The following DNAAF9 variants were observed in gnomAD, a reference collection of about 807,000 sequenced individuals.
DNAAF9 encodes the protein shulin.
DNAAF9 carries 90 observed loss-of-function variants against 167.0 expected under a neutral mutation model. That is an observed-to-expected ratio of 0.54 (90% confidence interval 0.45 to 0.64). The LOEUF (loss-of-function observed/expected upper bound fraction) is 0.64, where lower values mean the gene tolerates loss of function less well. Among genes scored for constraint, DNAAF9 ranks in the 30% least tolerant of loss-of-function variants. The pLI is 0.00. For synonymous variants in DNAAF9, 491 were observed against 508.8 expected, an observed-to-expected ratio of 0.96 and a Z score of 0.47; for missense variants, 1,315 against 1,442.2, an observed-to-expected ratio of 0.91 and a Z score of 1.43.
At chr20:3,323,622 T>C (rs1000699537) in intron 14 of DNAAF9, among the ~76,000 whole-genome samples, 1 of 152,186 alleles carries the variant, frequency 6.6e-6, no homozygotes, top group Non-Finnish European at 1.5e-5. Context: ...GGAGGGGCTC[T>C]AGGTGGAAGA....
At chr20:3,328,106 A>C (rs977626333) in intron 12 of DNAAF9, among the ~76,000 whole-genome samples, 3 of 151,630 alleles carry the variant, frequency 2.0e-5, no homozygotes, top group African/African-American at 7.3e-5. Context: ...CTTCTCCTAT[A>C]CTGATCCTTA....
At chr20:3,345,981 T>G (rs1489312638) in intron 8 of DNAAF9, among the ~76,000 whole-genome samples, 1 of 152,144 alleles carries the variant, frequency 6.6e-6, no homozygotes, top group Non-Finnish European at 1.5e-5. Context: ...CTATGCTCTA[T>G]AGTTCAGTTA....
intron 7 of DNAAF9, among the ~76,000 whole-genome samples, chr20:3,349,207 A>AC (rs2070261685): frequency 6.7e-6 from 1 of 149,062 alleles, no homozygotes; most frequent in South Asian, 2.1e-4. Flanking sequence ...AAAAAAACAA[A>AC]AAAAAAAAAA....
intron 6 of DNAAF9, among the ~76,000 whole-genome samples, chr20:3,361,396 C>G (rs2083362322): frequency 6.6e-6 from 1 of 152,124 alleles, no homozygotes; most frequent in African/African-American, 2.4e-5. Flanking sequence ...ACCCCACACA[C>G]CCAGCAGTAG....
chr20:3,374,257 A>C, intron 5 of DNAAF9, 103 bp from the exon 6 acceptor site: 1 of 630,724 alleles, frequency 1.6e-6, no homozygotes, highest in Non-Finnish European at 2.8e-6. Flanking sequence ...TCACGTGGTC[A>C]CCAGGGCCTC....
intron 20 of DNAAF9, among the ~76,000 whole-genome samples, chr20:3,314,674 G>A (rs572200364): frequency 6.6e-6 from 1 of 152,186 alleles, no homozygotes; most frequent in South Asian, 2.1e-4. Flanking sequence ...ATAATAAGAG[G>A]GTGTTGTTTT....
chr20:3,341,251 C>A (rs989282832), intron 9 of DNAAF9, among the ~76,000 whole-genome samples: 1 of 152,130 alleles, frequency 6.6e-6, no homozygotes, highest in Admixed American at 6.5e-5. Flanking sequence ...CCAAAGTCAC[C>A]AAGTGACTTC....
At chr20:3,295,921 C>CA (rs1349839988) in intron 23 of DNAAF9, 10 of 1,546,462 alleles carry the variant, frequency 6.5e-6, no homozygotes, top group Non-Finnish European at 8.9e-6. Flanking sequence ...TCAGTAAACT[C>CA]AGACATATTT....
At position 3,382,480 on chromosome 20, in the gene DNAAF9, C is replaced by T. The variant is rs2083669713; in HGVS notation, c.110G>A (p.Ser37Asn). ...AGACTTGCTGCTCTGGGTCAGGATG[C>T]TCTGAACCTGCCGAAGTCGACTGCA... ...VSCSRLRQVQ[S>N]ILTQSSKSRP... The change falls in exon 2 of 37, where the codon AGC (serine) becomes AAC (asparagine). Residue 37 changes from serine to asparagine, a missense_variant. Coordinates refer to ENST00000252032, the MANE Select transcript of DNAAF9 (RefSeq NM_001009984.3). The T allele has an allele frequency of 5.0e-6, 8 of 1,613,842 alleles. No individual in the cohort carries two copies. In the Admixed American group the frequency reaches 1.2e-4, roughly 24 times the overall value.
chr20:3,316,591 A>C, intron 18 of DNAAF9, 132 bp downstream of exon 18: 2 of 573,010 alleles, frequency 3.5e-6, no homozygotes, highest in East Asian at 5.7e-5. Context: ...GGGATCAAAA[A>C]TTCCATTCCT....
chr20:3,340,756 G>A, intron 9 of DNAAF9, 117 bp from the exon 10 acceptor site: 1 of 898,214 alleles, frequency 1.1e-6, no homozygotes, highest in Non-Finnish European at 1.8e-6. Context: ...TGAGCAAAGT[G>A]GTCAGTCAGT....
intron 10 of DNAAF9, among the ~76,000 whole-genome samples, chr20:3,336,912 G>GC (rs2069966460): frequency 7.4e-6 from 1 of 135,870 alleles, no homozygotes; most frequent in Non-Finnish European, 1.5e-5. Context: ...ATGGAGTCTC[G>GC]CTCTGTCGCC....
At chr20:3,259,353 T>G in intron 33 of DNAAF9, 127 bp downstream of exon 33, 1 of 725,420 alleles carries the variant, frequency 1.4e-6, no homozygotes, top group Non-Finnish European at 2.5e-6. Flanking sequence ...AGGCCCAGGG[T>G]GGGGAAGGTT....
rs918672038 is a variant in DNAAF9 at position 3,317,232 on chromosome 20, G to A, written c.1469-439C>T. 4.6e-5 allele frequency among the ~76,000 whole-genome samples: 7 copies of A among 151,570 alleles called. No individual in the cohort carries two copies. The South Asian group carries it at 6.3e-4, about 14-fold the overall frequency. ...TGAAAAATTAGCCAGGTGTGGTGGC[G>A]CATCTGTGGTCCCTGCTACTTGGGA... is the stretch of plus-strand genomic sequence containing the variant. On this transcript the variant is annotated intron_variant, in intron 17 of 36. Transcript: ENST00000252032.
In DNAAF9 at chr20:3,333,696, T is replaced by TC. The variant is rs397817251; in HGVS notation, c.982-1336_982-1335insG. Among the ~76,000 whole-genome samples the TC allele has an allele frequency of 2.0e-4, 31 of 152,080 alleles. No individual in the cohort carries two copies. In the South Asian group the frequency reaches 5.4e-3, roughly 27 times the overall value. ...TTTCCCTTATTAAAGGTTTTTTTTTTAAAGGTGCCAAGTGTTTGTGCTATG... is the reference window on the plus strand; with the variant it reads ...TTTCCCTTATTAAAGGTTTTTTTTTTCAAAGGTGCCAAGTGTTTGTGCTATG... On this transcript the variant is annotated intron_variant, in intron 10 of 36. Transcript: ENST00000252032.
In DNAAF9 at chr20:3,310,344, AGAAAGAAAGAAAGAAAG is replaced by A. The variant is rs1251643096; in HGVS notation, c.1678+4672_1678+4688del. The stretch of plus-strand genomic sequence containing the variant: ...AGGAAAGAGAAAGAAAAAGAAAGAA[AGAAAGAAAGAAAGAAAG>A]AAAGAAAGAAAGAAAGAAAGAAAGA... On this transcript the variant is annotated intron_variant, in intron 20 of 36. Coordinates refer to ENST00000252032, the MANE Select transcript of DNAAF9 (RefSeq NM_001009984.3). Among the ~76,000 whole-genome samples the A allele has an allele frequency of 3.5e-3, 366 of 103,188 alleles. 4 individuals carry two copies. Among genetic ancestry groups the A allele is most frequent in the East Asian group, 0.023 (86 of 3,718 alleles). The allele number at this position is 103,188 out of a possible 152,430, so 67.7% of individuals were successfully genotyped here. A position where few individuals can be genotyped will look rare whatever the true frequency, so the allele number is the denominator to read the frequency against.
intron 6 of DNAAF9, among the ~76,000 whole-genome samples, chr20:3,360,293 T>C (rs2083343708): frequency 6.6e-6 from 1 of 152,190 alleles, no homozygotes; most frequent in Non-Finnish European, 1.5e-5. Context: ...GGCAAAGATG[T>C]AGTTCTTCTA....
Position 3,281,638 on chromosome 20 carries a change from T to G in DNAAF9, c.2612+3A>C. The G allele has an allele frequency of 6.2e-7, 1 of 1,606,384 alleles. No homozygotes were observed. Among genetic ancestry groups the G allele is most frequent in the Non-Finnish European group, 8.5e-7 (1 of 1,177,458 alleles). ...ACACTTACACACCATATCCTGTATC[T>G]ACCTGTGCTCCATGTAGCAGCTCAT... On this transcript the variant is annotated splice_donor_region_variant and intron_variant, in intron 28 of 36. Coordinates refer to ENST00000252032, the MANE Select transcript of DNAAF9 (RefSeq NM_001009984.3).
chr20:3,403,286 G>C (rs2084014002), intron 1 of DNAAF9, among the ~76,000 whole-genome samples: 1 of 152,048 alleles, frequency 6.6e-6, no homozygotes, highest in African/African-American at 2.4e-5. Context: ...GGCACTAGGT[G>C]CTGCCTGGAA....
Sources: allele counts gnomAD v4.1 joint callset (sites outside exome capture counted in the v4.1 genomes callset), GRCh38; gene constraint gnomAD v4.1.1; transcripts MANE v1.5; gene names NCBI Gene and HGNC (gene_info 2026-07-23, HGNC 2026-07-21).